The following REDIC1 variants were observed in gnomAD, a reference collection of about 807,000 sequenced individuals.
REDIC1 encodes HEI10 Interacting Protein 1.
the REDIC1 span, among the ~76,000 whole-genome samples, chr12:39,628,203 A>G: frequency 6.6e-6 from 1 of 152,146 alleles, no homozygotes; most frequent in East Asian, 1.9e-4. Flanking sequence ...GTGAAATGAA[A>G]AACTCTTGTG....
the REDIC1 span, among the ~76,000 whole-genome samples, chr12:39,837,814 T>C: frequency 4.6e-5 from 7 of 152,092 alleles, no homozygotes; most frequent in Non-Finnish European, 1.0e-4. Flanking sequence ...CCAGTTAGAA[T>C]GGCAATCATT....
At chr12:39,760,953 A>AACACACACAC in the REDIC1 span, among the ~76,000 whole-genome samples, 22 of 101,574 alleles carry the variant, frequency 2.2e-4, no homozygotes, top group African/African-American at 6.4e-4. Context: ...GTCTCTACCA[A>AACACACACAC]ACACACACAC....
At chr12:39,893,761 A>G in the REDIC1 span, among the ~76,000 whole-genome samples, 11 of 152,326 alleles carry the variant, frequency 7.2e-5, no homozygotes, top group Non-Finnish European at 1.3e-4. Context: ...CAAGTTATTC[A>G]TTAACTAAAT....
chr12:39,774,488 T>A, the REDIC1 span, among the ~76,000 whole-genome samples: 2 of 152,102 alleles, frequency 1.3e-5, no homozygotes, highest in African/African-American at 4.8e-5. Context: ...AACATCTCTG[T>A]GATTTTGAAT....
chr12:39,658,174 G>C, the REDIC1 span, among the ~76,000 whole-genome samples: 111,815 of 151,802 alleles, frequency 0.74, 42,589 homozygotes, highest in Non-Finnish European at 0.84. Flanking sequence ...TCTGCCTCCC[G>C]GGTTCAAGTG....
chr12:39,861,037 C>G, the REDIC1 span, among the ~76,000 whole-genome samples: 1 of 152,238 alleles, frequency 6.6e-6, no homozygotes, highest in African/African-American at 2.4e-5. Context: ...TGAATCTTCT[C>G]TGACCCCATA....
At chr12:39,684,227 C>A in the REDIC1 span, 1 of 1,005,274 alleles carries the variant, frequency 9.9e-7, no homozygotes, top group Non-Finnish European at 1.2e-6. Context: ...CCAGGCTTTT[C>A]TGAATAATGA....
chr12:39,711,422 T>G, the REDIC1 span, among the ~76,000 whole-genome samples: 1 of 123,086 alleles, frequency 8.1e-6, no homozygotes, highest in Admixed American at 8.3e-5. Flanking sequence ...TATATGTACT[T>G]ATGTGTATAT....
the REDIC1 span, among the ~76,000 whole-genome samples, chr12:39,723,955 C>T: frequency 1.3e-5 from 2 of 152,136 alleles, no homozygotes; most frequent in Non-Finnish European, 2.9e-5. Context: ...AGCAATGTAG[C>T]AAATGCTATC....
chr12:39,760,185 C>T, the REDIC1 span: 1 of 1,612,786 alleles, frequency 6.2e-7, no homozygotes, highest in Non-Finnish European at 8.5e-7. Flanking sequence ...TGCCTTTGGT[C>T]TCAGGAAGAC....
At chr12:39,836,523 C>A in the REDIC1 span, among the ~76,000 whole-genome samples, 919 of 151,510 alleles carry the variant, frequency 6.1e-3, 8 homozygotes, top group African/African-American at 0.021. Flanking sequence ...AAAGGGTATT[C>A]AATTAGGAAA....
the REDIC1 span, among the ~76,000 whole-genome samples, chr12:39,659,428 T>C: frequency 6.6e-6 from 1 of 152,110 alleles, no homozygotes; most frequent in Non-Finnish European, 1.5e-5. Context: ...TAAATTAGTC[T>C]ACTTGAAATC....
the REDIC1 span, among the ~76,000 whole-genome samples, chr12:39,695,310 T>C: frequency 6.6e-6 from 1 of 152,120 alleles, no homozygotes; most frequent in Non-Finnish European, 1.5e-5. Context: ...GGTCCCCAAT[T>C]CCAGGACTTG....
chr12:39,796,776 G>T, the REDIC1 span, among the ~76,000 whole-genome samples: 1 of 152,074 alleles, frequency 6.6e-6, no homozygotes, highest in Non-Finnish European at 1.5e-5. Context: ...TAAGAATGTA[G>T]CATCATTTAT....
chr12:39,752,529 A>T, the REDIC1 span, among the ~76,000 whole-genome samples: 1 of 152,168 alleles, frequency 6.6e-6, no homozygotes, highest in African/African-American at 2.4e-5. Context: ...AAGGGATAAG[A>T]AAAGTAATAG....
At chr12:39,713,690 C>T in the REDIC1 span, among the ~76,000 whole-genome samples, 2 of 144,610 alleles carry the variant, frequency 1.4e-5, no homozygotes, top group South Asian at 2.1e-4. Context: ...TGCCTGTATA[C>T]ATGCGTATAT....
At chr12:39,646,922 C>G in the REDIC1 span, 1 of 1,434,824 alleles carries the variant, frequency 7.0e-7, no homozygotes, top group African/African-American at 1.4e-5. Flanking sequence ...TAGGTTATTT[C>G]AGCAATTGTG....
At chr12:39,884,571 T>G in the REDIC1 span, among the ~76,000 whole-genome samples, 34 of 152,310 alleles carry the variant, frequency 2.2e-4, no homozygotes, top group Non-Finnish European at 4.1e-4. Flanking sequence ...CAGGACGTAC[T>G]ATGTGCCAGA....
chr12:39,675,899 G>C, the REDIC1 span, among the ~76,000 whole-genome samples: 2 of 152,124 alleles, frequency 1.3e-5, no homozygotes, highest in Non-Finnish European at 2.9e-5. Context: ...GGGGAACAGG[G>C]AGAGCACCAC....
Sources: gnomAD v4.1 joint callset for allele counts (sites outside exome capture counted in the v4.1 genomes callset) on GRCh38, gnomAD v4.1.1 for gene constraint, MANE v1.5 for transcripts, NCBI Gene and HGNC (gene_info 2026-07-23, HGNC 2026-07-21) for gene names.